Variants in UNC93A observed in about 807,000 individuals in gnomAD.
UNC93A encodes unc-93 homolog A.
UNC93A carries 43 observed loss-of-function variants against 47.5 expected under a neutral mutation model. The ratio of observed to expected loss-of-function variants is 0.91; its 90% CI spans 0.71 to 1.17. UNC93A has a LOEUF of 1.17. UNC93A is among the 50% of genes most tolerant of loss of function. UNC93A has a pLI of 0.00. For missense variants in UNC93A, 605 were observed against 577.6 expected, an observed-to-expected ratio of 1.05 and a Z score of -0.49; for synonymous variants, 280 against 258.0, an observed-to-expected ratio of 1.09 and a Z score of -0.82.
chr6:167,307,081 C>A lies in UNC93A; in HGVS notation c.977-698C>A, dbSNP rs1233486636. On this transcript the variant is annotated intron_variant, in intron 6 of 7. Transcript: ENST00000230256. ...ACCATGGGCACACTTTGTCCTACCC[C>A]CTGGCTACTCGGAAAGGTGCTGGGA... is the stretch of plus-strand genomic sequence containing the variant. Among the ~76,000 whole-genome samples, 11 of 152,248 alleles carry A rather than the reference C, an allele frequency of 7.2e-5. No homozygotes were observed. The East Asian group carries it at 2.1e-3, about 29-fold the overall frequency.
At chr6:167,295,466 TCCTCGCCTCCCTCGTGAA>T (rs1554239105) in intron 2 of UNC93A, among the ~76,000 whole-genome samples, 7 of 97,054 alleles carry the variant, frequency 7.2e-5, no homozygotes, top group East Asian at 7.6e-4. Flanking sequence ...TCCCTCGTGC[TCCTCGCCTCCCTCGTGAA>T]CCTCGCCTCC....
At chr6:167,280,803 G>A (rs909950449) in intron 1 of UNC93A, among the ~76,000 whole-genome samples, 1 of 152,184 alleles carries the variant, frequency 6.6e-6, no homozygotes, top group Non-Finnish European at 1.5e-5. Flanking sequence ...AGGAAATACA[G>A]CAGTATTGAG....
intron 6 of UNC93A, among the ~76,000 whole-genome samples, chr6:167,306,593 G>T (rs920845385): frequency 1.2e-4 from 19 of 152,208 alleles, no homozygotes; most frequent in African/African-American, 4.1e-4. Context: ...GAAAAACAGC[G>T]CCTGGCATGT....
At chr6:167,290,213 G>T (rs187082444), upstream of UNC93A, among the ~76,000 whole-genome samples, 9 of 152,300 alleles carry the variant, frequency 5.9e-5, no homozygotes, top group South Asian at 1.5e-3. Context: ...GCTAGACTGC[G>T]TGGCTCTTAT....
At chr6:167,287,054 G>A (rs941290673), upstream of UNC93A, among the ~76,000 whole-genome samples, 1 of 150,940 alleles carries the variant, frequency 6.6e-6, no homozygotes, top group African/African-American at 2.4e-5. Context: ...TAGAAGACAT[G>A]TAAGTGGTTG....
At position 167,305,963 on chromosome 6, in the gene UNC93A, A is replaced by G; in HGVS notation, c.889A>G (p.Ile297Val). The change falls in exon 6 of 8, where the codon ATC becomes GTC. Residue 297 changes from isoleucine (I) to valine (V), a missense_variant. Physicochemically the swap from Ile to Val is conservative, Grantham distance 29. Coordinates refer to ENST00000230256, the MANE Select transcript of UNC93A (RefSeq NM_018974.4). ...LGIQFVGYVM[I>V]CFSATDALCS... ...CATCCAGTTCGTCGGCTACGTGATGATCTGCTTCTCGGCCACTGACGCGCT... is the reference window on the plus strand; with the variant it reads ...CATCCAGTTCGTCGGCTACGTGATGGTCTGCTTCTCGGCCACTGACGCGCT... 3.1e-6 allele frequency: 5 copies of G among 1,614,136 alleles called. No homozygotes were observed. The highest frequency in any genetic ancestry group is 4.2e-6 in the Non-Finnish European group (5 of 1,180,034).
At chr6:167,278,698 C>G (rs998620566) in intron 1 of UNC93A, among the ~76,000 whole-genome samples, 5 of 152,122 alleles carry the variant, frequency 3.3e-5, no homozygotes, top group African/African-American at 9.7e-5. Context: ...CAAATGCAGC[C>G]ATCTGCTTCC....
At chr6:167,269,506 G>C (rs1177927165), upstream of UNC93A, among the ~76,000 whole-genome samples, 1 of 152,058 alleles carries the variant, frequency 6.6e-6, no homozygotes. Context: ...ATGACAATGT[G>C]GCAAATAAAG....
At chr6:167,269,914 C>T (rs1783423918), upstream of UNC93A, among the ~76,000 whole-genome samples, 1 of 152,080 alleles carries the variant, frequency 6.6e-6, no homozygotes, top group South Asian at 2.1e-4. Flanking sequence ...TGGGCCCGGC[C>T]AATAATGGCA....
At chr6:167,294,744 A>G in intron 2 of UNC93A, 46 bp downstream of exon 2, 1 of 1,426,400 alleles carries the variant, frequency 7.0e-7, no homozygotes, top group Non-Finnish European at 9.3e-7. Flanking sequence ...GCCGTTCCCC[A>G]CGCTAGGGAC....
chr6:167,299,042 C>T (rs1025590322), intron 4 of UNC93A, among the ~76,000 whole-genome samples: 11 of 149,366 alleles, frequency 7.4e-5, no homozygotes, highest in African/African-American at 2.5e-5. Flanking sequence ...CACTTGAACC[C>T]GGGAGGTGGA....
chr6:167,292,676 C>A (rs1030972945), intron 1 of UNC93A, among the ~76,000 whole-genome samples: 17 of 152,148 alleles, frequency 1.1e-4, no homozygotes, highest in African/African-American at 3.9e-4. Context: ...TTTTGGAGTC[C>A]CTGCTTTGCC....
chr6:167,307,970 C>T, intron 7 of UNC93A, 60 bp downstream of exon 7: 1 of 1,596,872 alleles, frequency 6.3e-7, no homozygotes, highest in Non-Finnish European at 8.5e-7. Flanking sequence ...CTGGCCAAGG[C>T]AACTGTGGGG....
chr6:167,309,747 G>T (rs147229946), intron 7 of UNC93A, among the ~76,000 whole-genome samples: 1,853 of 151,948 alleles, frequency 0.012, 31 homozygotes, highest in African/African-American at 0.043. Context: ...GGTGGGTTGC[G>T]TATCCACAGG....
At chr6:167,309,033 C>A (rs998694524) in intron 7 of UNC93A, among the ~76,000 whole-genome samples, 10 of 152,060 alleles carry the variant, frequency 6.6e-5, no homozygotes, top group African/African-American at 2.4e-4. Flanking sequence ...GAAGGGGCCC[C>A]AGGCTCAGGC....
At chr6:167,274,024 C>T (rs924894419) in intron 1 of UNC93A, among the ~76,000 whole-genome samples, 1 of 152,152 alleles carries the variant, frequency 6.6e-6, no homozygotes, top group Non-Finnish European at 1.5e-5. Context: ...GGATTTTCTA[C>T]AGAATATAGA....
chr6:167,288,071 T>G (rs1783771756), upstream of UNC93A, among the ~76,000 whole-genome samples: 1 of 152,156 alleles, frequency 6.6e-6, no homozygotes, highest in African/African-American at 2.4e-5. Context: ...TCCCAGGACA[T>G]CACCAGCAGC....
chr6:167,294,605 C>T lies in UNC93A; in HGVS notation c.176C>T (p.Pro59Leu), dbSNP rs773257482. ...GMLLSSMFLP[P>L]LLIERLGCKG... is the part of the protein sequence containing the mutation. ...CTCCTGTCCTCCATGTTCCTCCCAC[C>T]GCTCCTCATCGAGAGGCTGGGCTGC... Residue 59 changes from proline (P) to leucine (L), a missense_variant, in exon 2 of 8, where the codon CCG becomes CTG. Physicochemically the swap from Pro to Leu is moderately conservative, Grantham distance 98. Coordinates refer to ENST00000230256, the MANE Select transcript of UNC93A (RefSeq NM_018974.4). 3.2e-5 allele frequency: 52 copies of T among 1,613,858 alleles called. No homozygotes were observed. The highest frequency in any genetic ancestry group is 3.7e-5 in the Non-Finnish European group (44 of 1,179,940).
intron 1 of UNC93A, among the ~76,000 whole-genome samples, chr6:167,281,112 C>T (rs562828656): frequency 4.0e-5 from 6 of 151,524 alleles, no homozygotes. Flanking sequence ...CCCAGGAGGT[C>T]ATCCCACTGA....
Sources: gnomAD v4.1 joint callset for allele counts (sites outside exome capture counted in the v4.1 genomes callset) on GRCh38, gnomAD v4.1.1 for gene constraint, MANE v1.5 for transcripts, NCBI Gene and HGNC (gene_info 2026-07-23, HGNC 2026-07-21) for gene names.